Variants in BTRC observed in about 807,000 individuals in gnomAD.
BTRC encodes beta-transducin repeat containing E3 ubiquitin protein ligase, also known as F-box/WD repeat-containing protein 1A.
Under a neutral mutation model 85.5 loss-of-function variants are expected in BTRC, and 42 were observed. The observed-to-expected ratio is 0.49, with a 90% CI of 0.38 to 0.64. BTRC has a LOEUF of 0.64. Ranked by LOEUF, BTRC falls within the 30% of genes least tolerant of loss-of-function variation. The pLI is 0.00. For synonymous variants in BTRC, 255 were observed against 263.3 expected (o/e 0.97, Z 0.30); for missense variants, 594 against 743.5 (o/e 0.80, Z 2.34).
intron 4 of BTRC, among the ~76,000 whole-genome samples, chr10:101,510,823 C>T (rs572705609): frequency 6.6e-6 from 1 of 152,214 alleles, no homozygotes; most frequent in Non-Finnish European, 1.5e-5. Flanking sequence ...GGTTTCTCCT[C>T]CTTCATCCTC....
chr10:101,458,978 G>GT (rs939593025), intron 2 of BTRC, among the ~76,000 whole-genome samples: 13 of 152,090 alleles, frequency 8.5e-5, no homozygotes, highest in Non-Finnish European at 1.6e-4. Flanking sequence ...TTTTACTTAG[G>GT]TTTTTGAGAT....
At chr10:101,418,254 G>A in intron 1 of BTRC, among the ~76,000 whole-genome samples, 1 of 152,222 alleles carries the variant, frequency 6.6e-6, no homozygotes, top group Non-Finnish European at 1.5e-5. Flanking sequence ...TGTAGTCCCA[G>A]CTACTCAGGA....
At chr10:101,433,009 C>T (rs1386587402) in intron 2 of BTRC, among the ~76,000 whole-genome samples, 1 of 152,090 alleles carries the variant, frequency 6.6e-6, no homozygotes, top group Non-Finnish European at 1.5e-5. Flanking sequence ...TTAGTGCCCC[C>T]AACATGAATC....
chr10:101,546,750 A>G (rs1249401357), intron 13 of BTRC, among the ~76,000 whole-genome samples: 3 of 152,352 alleles, frequency 2.0e-5, no homozygotes, highest in East Asian at 1.9e-4. Context: ...ACCAAAAGCT[A>G]GTTCTTTGAA....
chr10:101,458,734 T>G (rs1945144730), intron 2 of BTRC, among the ~76,000 whole-genome samples: 1 of 152,200 alleles, frequency 6.6e-6, no homozygotes, highest in East Asian at 1.9e-4. Context: ...TGTTTTCTTA[T>G]AAGTAGATTT....
chr10:101,509,544 G>A lies in BTRC; in HGVS notation c.325-12095G>A, dbSNP rs577655784. On this transcript the variant is annotated intron_variant, in intron 4 of 14. Transcript: ENST00000370187. ...GCTGGGATTACAGGCGTGAGCCACC[G>A]CGCCCAGCCTTTTTTTTTTTTTTTT... Among the ~76,000 whole-genome samples, 425 of 146,628 alleles carry A rather than the reference G, an allele frequency of 2.9e-3. 3 individuals are homozygous for A. Among genetic ancestry groups the A allele is most frequent in the South Asian group, 0.013 (60 of 4,560 alleles).
At chr10:101,481,926 G>A (rs1174553207) in intron 4 of BTRC, among the ~76,000 whole-genome samples, 1 of 152,168 alleles carries the variant, frequency 6.6e-6, no homozygotes, top group South Asian at 2.1e-4. Flanking sequence ...CAAATAATCA[G>A]TTGGTCAATG....
At chr10:101,383,463 C>T (rs141692181) in intron 1 of BTRC, among the ~76,000 whole-genome samples, 1 of 150,610 alleles carries the variant, frequency 6.6e-6, no homozygotes, top group Non-Finnish European at 1.5e-5. Flanking sequence ...ACTTGCCATT[C>T]GAGCAGATAT....
chr10:101,495,021 C>G (rs1946225180), intron 4 of BTRC, among the ~76,000 whole-genome samples: 1 of 152,138 alleles, frequency 6.6e-6, no homozygotes, highest in Admixed American at 6.5e-5. Context: ...TTATTTAATG[C>G]TAATAAATAC....
rs1008154241 is a variant in BTRC at position 101,500,171 on chromosome 10, A to G, written c.324+20714A>G. 2.0e-5 allele frequency among the ~76,000 whole-genome samples: 3 copies of G among 151,902 alleles called. No individual in the cohort carries two copies. In the South Asian group the frequency reaches 6.2e-4, roughly 32 times the overall value. ...TTTTGTTGTATTGCAAACATTATAGAGTGTACTTCCGCAAATCTAAATGGT... is the reference window on the plus strand; with the variant it reads ...TTTTGTTGTATTGCAAACATTATAGGGTGTACTTCCGCAAATCTAAATGGT... On this transcript the variant is annotated intron_variant, in intron 4 of 14. Coordinates refer to ENST00000370187, the MANE Select transcript of BTRC (RefSeq NM_033637.4).
chr10:101,524,847 A>C (rs1291862041), intron 5 of BTRC, among the ~76,000 whole-genome samples: 2 of 152,184 alleles, frequency 1.3e-5, no homozygotes, highest in Non-Finnish European at 1.5e-5. Flanking sequence ...ATGTGATGCC[A>C]GCCAAACAAA....
At chr10:101,421,514 C>A (rs527245647) in intron 1 of BTRC, among the ~76,000 whole-genome samples, 2 of 151,886 alleles carry the variant, frequency 1.3e-5, no homozygotes, top group African/African-American at 4.8e-5. Flanking sequence ...ATGTGCACAA[C>A]GTGCAGGTTT....
chr10:101,468,154 G>T (rs1945430478), intron 3 of BTRC, among the ~76,000 whole-genome samples: 1 of 152,100 alleles, frequency 6.6e-6, no homozygotes, highest in Non-Finnish European at 1.5e-5. Flanking sequence ...TGGGGGGTTG[G>T]TGCTTTGTTT....
intron 1 of BTRC, among the ~76,000 whole-genome samples, chr10:101,407,043 T>C (rs1035469795): frequency 8.5e-5 from 13 of 152,184 alleles, no homozygotes; most frequent in African/African-American, 3.1e-4. Context: ...TACTTTTAAA[T>C]TTTCTTGTAG....
At chr10:101,440,704 C>G (rs1300531793) in intron 2 of BTRC, among the ~76,000 whole-genome samples, 5 of 151,690 alleles carry the variant, frequency 3.3e-5, no homozygotes, top group African/African-American at 1.2e-4. Flanking sequence ...CCTGGGTTGA[C>G]AGAGTGAGAC....
At chr10:101,474,680 A>G (rs1286228271) in intron 3 of BTRC, among the ~76,000 whole-genome samples, 2 of 152,184 alleles carry the variant, frequency 1.3e-5, no homozygotes, top group Non-Finnish European at 2.9e-5. Flanking sequence ...TTATCACTTG[A>G]TATCTCAAGC....
intron 3 of BTRC, among the ~76,000 whole-genome samples, chr10:101,472,929 G>A (rs1945573689): frequency 6.6e-6 from 1 of 152,068 alleles, no homozygotes; most frequent in African/African-American, 2.4e-5. Context: ...GGGCCTATAT[G>A]TGTTGTTTTC....
intron 13 of BTRC, among the ~76,000 whole-genome samples, chr10:101,541,703 A>G (rs541252310): frequency 2.0e-4 from 30 of 152,034 alleles, no homozygotes; most frequent in Non-Finnish European, 4.4e-4. Flanking sequence ...ATGGTTTTTC[A>G]CTTTTATTCT....
intron 2 of BTRC, chr10:101,453,671 T>C (rs1472271949): frequency 6.6e-6 from 1 of 152,212 alleles, no homozygotes; most frequent in Non-Finnish European, 1.5e-5. Flanking sequence ...TGTGTTCAAA[T>C]AGATAACTGA....
Sources: gnomAD v4.1 joint callset for allele counts (sites outside exome capture counted in the v4.1 genomes callset) on GRCh38, gnomAD v4.1.1 for gene constraint, MANE v1.5 for transcripts, NCBI Gene and HGNC (gene_info 2026-07-23, HGNC 2026-07-21) for gene names.